RGPD2: variants seen among roughly 807,000 people sequenced by gnomAD.
The protein encoded by RGPD2 is RANBP2 like and GRIP domain containing 2.
A neutral mutation model predicts 36.0 loss-of-function variants in RGPD2; 2 were observed. The observed-to-expected ratio is 0.06, with a 90% confidence interval of 0.02 to 0.17. RGPD2 has a LOEUF of 0.17. RGPD2 is among the 10% of genes least tolerant of loss of function. The pLI is 1.00. For missense variants in RGPD2, 40 were observed against 464.3 expected, an observed-to-expected ratio of 0.09 and a Z score of 8.40; for synonymous variants, 19 against 163.8, an observed-to-expected ratio of 0.12 and a Z score of 6.75.
At chr2:87,866,582 G>A in the RGPD2 span, among the ~76,000 whole-genome samples, 1 of 152,272 alleles carries the variant, frequency 6.6e-6, no homozygotes, top group Non-Finnish European at 1.5e-5. Context: ...TTCGTTCATA[G>A]AGGTGCGATC....
the RGPD2 span, among the ~76,000 whole-genome samples, chr2:87,963,778 A>G: frequency 7.9e-6 from 1 of 127,244 alleles, no homozygotes; most frequent in African/African-American, 3.3e-5. Context: ...TAATTCATTT[A>G]TGCTGAATAT....
At chr2:87,937,898 T>G in the RGPD2 span, among the ~76,000 whole-genome samples, 1 of 151,730 alleles carries the variant, frequency 6.6e-6, no homozygotes, top group Non-Finnish European at 1.5e-5. Context: ...GAAATACAAT[T>G]TTTGAAGGTT....
chr2:87,785,391 C>T (rs1483887745), intron 18 of RGPD2, among the ~76,000 whole-genome samples: 1 of 103,964 alleles, frequency 9.6e-6, no homozygotes, highest in Admixed American at 1.0e-4. Context: ...AGAATAGCAT[C>T]GCTGTGATCA....
At chr2:87,960,269 A>C in the RGPD2 span, among the ~76,000 whole-genome samples, 2 of 142,048 alleles carry the variant, frequency 1.4e-5, no homozygotes, top group East Asian at 4.2e-4. Flanking sequence ...ATACAGATGT[A>C]CCGTATGAAC....
chr2:87,918,352 C>G, the RGPD2 span, among the ~76,000 whole-genome samples: 1 of 149,222 alleles, frequency 6.7e-6, no homozygotes, highest in East Asian at 2.0e-4. Flanking sequence ...AGCCTTTTAT[C>G]AGTCATGTTA....
chr2:87,880,199 A>T, the RGPD2 span, among the ~76,000 whole-genome samples: 1 of 151,600 alleles, frequency 6.6e-6, no homozygotes, highest in Non-Finnish European at 1.5e-5. Flanking sequence ...TTAATTGTAC[A>T]TTTTGGATAT....
the RGPD2 span, among the ~76,000 whole-genome samples, chr2:87,978,153 T>A: frequency 6.6e-6 from 1 of 150,802 alleles, no homozygotes; most frequent in Admixed American, 6.6e-5. Flanking sequence ...ACTGATACAT[T>A]GGATAACTAA....
chr2:87,947,906 A>C, the RGPD2 span, among the ~76,000 whole-genome samples: 189 of 152,124 alleles, frequency 1.2e-3, no homozygotes, highest in African/African-American at 4.1e-3. Context: ...CAATCGTATA[A>C]TCTAACTCTG....
the RGPD2 span, among the ~76,000 whole-genome samples, chr2:87,882,191 GTT>G: frequency 4.1e-4 from 62 of 149,540 alleles, no homozygotes; most frequent in Non-Finnish European, 7.7e-4. Flanking sequence ...ATGTCACACA[GTT>G]TTTTTTTTTC....
chr2:87,769,606 C>T (rs1685062953), intron 22 of RGPD2, among the ~76,000 whole-genome samples: 2 of 151,842 alleles, frequency 1.3e-5, no homozygotes, highest in African/African-American at 4.8e-5. Flanking sequence ...GCAACGTCTA[C>T]ATTAAACATG....
the RGPD2 span, among the ~76,000 whole-genome samples, chr2:87,932,780 C>G: frequency 8.0e-3 from 1,214 of 151,836 alleles, 3 homozygotes; most frequent in African/African-American, 0.028. Flanking sequence ...TTTTAGCGCC[C>G]GATTCCTTCT....
chr2:87,884,380 C>A, the RGPD2 span, among the ~76,000 whole-genome samples: 1 of 151,758 alleles, frequency 6.6e-6, no homozygotes, highest in Non-Finnish European at 1.5e-5. Context: ...AACATTACAT[C>A]TTAAGCAATT....
At chr2:87,853,628 T>C in the RGPD2 span, among the ~76,000 whole-genome samples, 1 of 151,516 alleles carries the variant, frequency 6.6e-6, no homozygotes, top group Non-Finnish European at 1.5e-5. Context: ...TCTCATTTGT[T>C]CTATTACATT....
chr2:87,934,394 G>A, the RGPD2 span, among the ~76,000 whole-genome samples: 1 of 144,566 alleles, frequency 6.9e-6, no homozygotes, highest in Non-Finnish European at 1.5e-5. Flanking sequence ...GCAGGTGTGT[G>A]TGTTGTTCTA....
the RGPD2 span, among the ~76,000 whole-genome samples, chr2:87,863,592 AC>A: frequency 6.6e-6 from 1 of 152,152 alleles, no homozygotes; most frequent in African/African-American, 2.4e-5. Flanking sequence ...AGTTTGAAAT[AC>A]CAGCCTTGAT....
chr2:87,972,551 G>C, the RGPD2 span: 1 of 734,966 alleles, frequency 1.4e-6, no homozygotes, highest in South Asian at 1.8e-5. Flanking sequence ...TGGCCTCAGC[G>C]AAGATGGGCC....
At chr2:87,908,121 CTCAG>C in the RGPD2 span, among the ~76,000 whole-genome samples, 3 of 30,860 alleles carry the variant, frequency 9.7e-5, no homozygotes, top group Non-Finnish European at 1.9e-4. Context: ...ATATTACCTG[CTCAG>C]TCAAAGGTAA....
the RGPD2 span, among the ~76,000 whole-genome samples, chr2:87,878,208 C>G: frequency 6.7e-6 from 1 of 149,900 alleles, no homozygotes; most frequent in Non-Finnish European, 1.5e-5. Flanking sequence ...ATATTTCATG[C>G]GACTTTTTTC....
chr2:87,951,499 C>T, the RGPD2 span, among the ~76,000 whole-genome samples: 9 of 152,178 alleles, frequency 5.9e-5, no homozygotes, highest in Admixed American at 4.6e-4. Context: ...ACAAAGAAAA[C>T]GTTTTTGAAA....
Sources: allele counts gnomAD v4.1 joint callset (sites outside exome capture counted in the v4.1 genomes callset), GRCh38; gene constraint gnomAD v4.1.1; transcripts MANE v1.5; gene names NCBI Gene and HGNC (gene_info 2026-07-23, HGNC 2026-07-21).